RCL1: variants seen among roughly 807,000 people sequenced by gnomAD.
RCL1 encodes RNA 3'-terminal phosphate cyclase-like protein.
A neutral mutation model predicts 42.4 loss-of-function variants in RCL1; 24 were observed. That is an observed-to-expected ratio of 0.57 (90% CI 0.41 to 0.80). RCL1 has a LOEUF of 0.80. Ranked by LOEUF, RCL1 falls within the 30% of genes least tolerant of loss-of-function variation. RCL1 has a pLI of 0.00. For synonymous variants in RCL1, 228 were observed against 177.3 expected (o/e 1.29, Z -2.27); for missense variants, 578 against 467.9 (o/e 1.24, Z -2.17).
chr9:4,860,103 T>C (rs1392702472), intron 8 of RCL1, 22 bp from the exon 9 acceptor site: 10 of 1,465,494 alleles, frequency 6.8e-6, no homozygotes, highest in Non-Finnish European at 9.2e-6. Context: ...TTTATTTATT[T>C]ATTTATTTTT....
chr9:4,839,351 C>A (rs550042572), intron 5 of RCL1, among the ~76,000 whole-genome samples: 4 of 152,086 alleles, frequency 2.6e-5, no homozygotes, highest in Non-Finnish European at 5.9e-5. Context: ...GTTTTTTTGT[C>A]TTAGTTGTCT....
At chr9:4,840,074 C>T (rs372892862) in intron 5 of RCL1, among the ~76,000 whole-genome samples, 2 of 151,840 alleles carry the variant, frequency 1.3e-5, no homozygotes, top group African/African-American at 2.4e-5. Context: ...CAGGAGCCAC[C>T]GAGAGACTGT....
chr9:4,860,363 C>A lies in RCL1; in HGVS notation c.*88C>A. 2.2e-6 allele frequency: 3 copies of A among 1,392,112 alleles called. No individual in the cohort carries two copies. The South Asian group carries it at 4.1e-5, about 19-fold the overall frequency. The allele number at this position is 1,392,112 out of a possible 1,614,324, so 86.2% of individuals were successfully genotyped here. On this transcript the variant is annotated 3_prime_UTR_variant, in exon 9 of 9. Coordinates refer to ENST00000381750, the MANE Select transcript of RCL1 (RefSeq NM_005772.5). ...TGGGACCAAGTCCAAATGGATTAAT[C>A]CAGGACAGAATAGCCACTTGCTTAA...
At chr9:4,802,653 T>C (rs1231578637) in intron 1 of RCL1, among the ~76,000 whole-genome samples, 1 of 152,218 alleles carries the variant, frequency 6.6e-6, no homozygotes, top group Non-Finnish European at 1.5e-5. Flanking sequence ...TATTTACAAA[T>C]ATACGGAAGT....
Position 4,860,830 on chromosome 9 carries a change from T to C in RCL1, c.*555T>C, listed in dbSNP as rs1374967819. The stretch of plus-strand genomic sequence containing the variant: ...TGATCTTCTGAATGGATTGCTGTCA[T>C]GGACACGGACACGGATCTTCATCTG... On this transcript the variant is annotated 3_prime_UTR_variant, in exon 9 of 9. Transcript: ENST00000381750. 6.6e-6 allele frequency: 1 copy of C among 152,330 alleles called. No homozygotes were observed. The allele number at this position is 152,330 out of a possible 1,614,324, so 9.4% of individuals were successfully genotyped here. A position where few individuals can be genotyped will look rare whatever the true frequency, so the allele number is the denominator to read the frequency against.
intron 1 of RCL1, among the ~76,000 whole-genome samples, chr9:4,819,730 C>G (rs1449575623): frequency 6.6e-6 from 1 of 152,176 alleles, no homozygotes; most frequent in Non-Finnish European, 1.5e-5. Flanking sequence ...TCGCTTGAAC[C>G]CGGGAGGCGG....
At chr9:4,850,284 G>A (rs746943728) in intron 8 of RCL1, 1 of 532,814 alleles carries the variant, frequency 1.9e-6, no homozygotes. Flanking sequence ...TATTCAGGTA[G>A]ATATGAGACT....
chr9:4,832,256 T>C (rs1024705268), intron 3 of RCL1, among the ~76,000 whole-genome samples: 4 of 152,284 alleles, frequency 2.6e-5, no homozygotes, highest in East Asian at 1.9e-4. Flanking sequence ...TTGTAACTAA[T>C]TGTAGTTTTG....
At chr9:4,859,546 G>T (rs1393622070) in intron 8 of RCL1, among the ~76,000 whole-genome samples, 1 of 152,134 alleles carries the variant, frequency 6.6e-6, no homozygotes, top group African/African-American at 2.4e-5. Flanking sequence ...AAATGCGAGG[G>T]TATTATTGGA....
chr9:4,831,274 G>C (rs1300590300), intron 3 of RCL1, among the ~76,000 whole-genome samples: 1 of 150,404 alleles, frequency 6.6e-6, no homozygotes, highest in Non-Finnish European at 1.5e-5. Context: ...TCAAGGTATA[G>C]GAAGGATGAG....
chr9:4,794,193 C>T (rs552254044), intron 1 of RCL1, among the ~76,000 whole-genome samples: 2 of 152,306 alleles, frequency 1.3e-5, no homozygotes, highest in East Asian at 1.9e-4. Flanking sequence ...TCATTTTGCA[C>T]TGGCTCTTGT....
intron 1 of RCL1, among the ~76,000 whole-genome samples, chr9:4,815,201 T>C (rs925534995): frequency 2.0e-5 from 3 of 152,062 alleles, no homozygotes. Flanking sequence ...TTGGCAGGCT[T>C]TCTGTGCTTC....
At chr9:4,852,983 A>T (rs1489766019) in intron 8 of RCL1, among the ~76,000 whole-genome samples, 4 of 152,154 alleles carry the variant, frequency 2.6e-5, no homozygotes. Flanking sequence ...TTTAATTTCT[A>T]GTTATTATTT....
rs1465957246 is a variant in RCL1, at chr9:4,823,625, C to G, written c.208+6C>G. Reference sequence around the variant, plus strand: ...AATTGAAATAAACCAAACAGGTAAGCTCCTTTTAGATTCCTAAAAGCACCT... The same window carrying G: ...AATTGAAATAAACCAAACAGGTAAGGTCCTTTTAGATTCCTAAAAGCACCT... On this transcript the variant is annotated splice_donor_region_variant and intron_variant, in intron 2 of 8. Coordinates refer to ENST00000381750, the MANE Select transcript of RCL1 (RefSeq NM_005772.5). 1 of 1,602,520 alleles carries G rather than the reference C, an allele frequency of 6.2e-7. No individual in the cohort carries two copies. Among genetic ancestry groups the G allele is most frequent in the Admixed American group, 1.7e-5 (1 of 58,636 alleles).
At chr9:4,857,475 C>T (rs1490796902) in intron 8 of RCL1, among the ~76,000 whole-genome samples, 1 of 151,870 alleles carries the variant, frequency 6.6e-6, no homozygotes, top group African/African-American at 2.4e-5. Flanking sequence ...AAAAATCTTC[C>T]ATTGAATGGA....
rs117024353 is a variant in RCL1 at position 4,828,451 on chromosome 9, A to G, written c.384+1418A>G. Among the ~76,000 whole-genome samples the G allele has an allele frequency of 5.8e-3, 883 of 151,976 alleles. 6 individuals are homozygous for G. The highest frequency in any genetic ancestry group is 0.038 in the Middle Eastern group (11 of 292). On this transcript the variant is annotated intron_variant, in intron 3 of 8. Coordinates refer to ENST00000381750, the MANE Select transcript of RCL1 (RefSeq NM_005772.5). ...ATTTCTTGGAAATTCAGCTGCATAA[A>G]CTCTTTTCCCTGGGATACTGAGTAT... is the stretch of plus-strand genomic sequence containing the variant.
rs1816786087 is a variant in RCL1, at chr9:4,827,019, C to G, written c.370C>G (p.Gln124Glu). The change falls in exon 3 of 9, where the codon CAG becomes GAG. Residue 124 changes from glutamine (Q) to glutamate (E), a missense_variant. Transcript: ENST00000381750. ...AGTTCTACGAGGAGTGACCAATGATCAGGTTGACCCTTCAGTGAGTATTGA... is the reference window on the plus strand; with the variant it reads ...AGTTCTACGAGGAGTGACCAATGATGAGGTTGACCCTTCAGTGAGTATTGA... ...KIVLRGVTND[Q>E]VDPSVDVLKA... 2.5e-6 allele frequency: 4 copies of G among 1,614,050 alleles called. No homozygotes were observed. The African/African-American group carries it at 4.0e-5, about 16-fold the overall frequency.
chr9:4,826,612 A>G (rs1313707280), intron 2 of RCL1, among the ~76,000 whole-genome samples: 3 of 152,226 alleles, frequency 2.0e-5, no homozygotes, highest in Admixed American at 2.0e-4. Flanking sequence ...GGCAACTCAG[A>G]TGGCTCAGAG....
chr9:4,811,811 C>T (rs1816187289), intron 1 of RCL1, among the ~76,000 whole-genome samples: 1 of 152,106 alleles, frequency 6.6e-6, no homozygotes, highest in African/African-American at 2.4e-5. Flanking sequence ...TTTACATTTC[C>T]ACCAACAGTG....
Sources: allele counts gnomAD v4.1 joint callset (sites outside exome capture counted in the v4.1 genomes callset), GRCh38; gene constraint gnomAD v4.1.1; transcripts MANE v1.5; gene names NCBI Gene and HGNC (gene_info 2026-07-23, HGNC 2026-07-21).